COL6A5: variants seen among roughly 807,000 people sequenced by gnomAD.
The protein encoded by COL6A5 is collagen alpha-5(VI) chain.
In COL6A5, 48 loss-of-function variants were observed where a neutral mutation model predicts 65.6. The ratio of observed to expected loss-of-function variants is 0.73; its 90% confidence interval spans 0.58 to 0.93. The LOEUF is 0.93. COL6A5 is among the 40% of genes least tolerant of loss of function. COL6A5 has a pLI of 0.00. For missense variants in COL6A5, 914 were observed against 928.3 expected, an observed-to-expected ratio of 0.98 and a Z score of 0.20; for synonymous variants, 291 against 322.8, an observed-to-expected ratio of 0.90 and a Z score of 1.05.
At chr3:130,396,429 T>C (rs1936602663) in intron 8 of COL6A5, among the ~76,000 whole-genome samples, 1 of 152,246 alleles carries the variant, frequency 6.6e-6, no homozygotes, top group Admixed American at 6.5e-5. Flanking sequence ...GCTAGAGTTC[T>C]AACTCTGGTT....
Position 130,362,272 on chromosome 3 carries a change from T to TCTCTC in COL6A5, c.-28-11339_-28-11338insCTCTC, listed in dbSNP as rs1553744426. ...TTTCTTTCTCTCTCTCTCTCTCTCT[T>TCTCTC]TGTCTCTGTCTTTCTCCATATATAT... On this transcript the variant is annotated intron_variant and NMD_transcript_variant, in intron 1 of 41. Coordinates refer to the COL6A5 transcript ENST00000312481. Among the ~76,000 whole-genome samples the TCTCTC allele has an allele frequency of 1.9e-3, 28 of 14,614 alleles. 1 individual carries two copies. The highest frequency in any genetic ancestry group is 0.013 in the Admixed American group (16 of 1,212). 9.6% of individuals were successfully genotyped at this position (14,614 alleles called of 152,430 possible). A position where few individuals can be genotyped will look rare whatever the true frequency, so the allele number is the denominator to read the frequency against.
chr3:130,385,397 A>G, intron 5 of COL6A5, 33 bp downstream of exon 5: 2 of 1,527,758 alleles, frequency 1.3e-6, no homozygotes, highest in Non-Finnish European at 1.8e-6. Flanking sequence ...TATTCTCCAC[A>G]TTTCATCAAT....
At chr3:130,347,059 T>C (rs772094263) in intron 1 of COL6A5, among the ~76,000 whole-genome samples, 3 of 152,232 alleles carry the variant, frequency 2.0e-5, no homozygotes, top group Non-Finnish European at 4.4e-5. Flanking sequence ...GAGCCATTAA[T>C]CTTTGATGAC....
upstream of COL6A5, among the ~76,000 whole-genome samples, chr3:130,428,416 A>C (rs915806887): frequency 6.6e-6 from 1 of 152,188 alleles, no homozygotes; most frequent in Non-Finnish European, 1.5e-5. Context: ...GAAGGTGTCT[A>C]GAAGGCTGGG....
At chr3:130,356,590 CTT>C (rs1221060401) in intron 1 of COL6A5, among the ~76,000 whole-genome samples, 1 of 151,912 alleles carries the variant, frequency 6.6e-6, no homozygotes, top group Non-Finnish European at 1.5e-5. Context: ...ATAGGGGAAA[CTT>C]TGACATATTC....
chr3:130,470,247 T>G (rs978277452), intron 6 of COL6A5, among the ~76,000 whole-genome samples: 1 of 152,032 alleles, frequency 6.6e-6, no homozygotes, highest in South Asian at 2.1e-4. Flanking sequence ...TCCAAAACCT[T>G]GTAAGATCAA....
chr3:130,482,441 A>G (rs1469176960), intron 7 of COL6A5, among the ~76,000 whole-genome samples: 1 of 152,204 alleles, frequency 6.6e-6, no homozygotes, highest in East Asian at 1.9e-4. Context: ...TGTTTTGGTT[A>G]CTGTAGCCTT....
chr3:130,410,123 C>A, intron 19 of COL6A5, 49 bp downstream of exon 19: 2 of 1,341,652 alleles, frequency 1.5e-6, no homozygotes, highest in Non-Finnish European at 2.1e-6. Flanking sequence ...GTTATTGATC[C>A]AAGTAAATTT....
chr3:130,394,913 G>A (rs751443853), exon 8 of COL6A5: 52 of 1,550,742 alleles, frequency 3.4e-5, no homozygotes, highest in African/African-American at 2.5e-4. Flanking sequence ...GGAAGCTGAC[G>A]TGATTTTCCT....
At chr3:130,395,544 C>G (rs2107657636) in intron 8 of COL6A5, 79 bp downstream of exon 8, 1 of 1,027,422 alleles carries the variant, frequency 9.7e-7, no homozygotes, top group East Asian at 2.6e-5. Context: ...TGGGCTAGCT[C>G]TAGCAGAGCA....
At chr3:130,478,714 G>A (rs1253375819) in intron 7 of COL6A5, among the ~76,000 whole-genome samples, 2 of 151,972 alleles carry the variant, frequency 1.3e-5, no homozygotes, top group Non-Finnish European at 2.9e-5. Flanking sequence ...GTCAAACCAG[G>A]AGTCATTTAA....
At chr3:130,472,832 CATATAT>C (rs10654631) in intron 7 of COL6A5, among the ~76,000 whole-genome samples, 56 of 99,388 alleles carry the variant, frequency 5.6e-4, no homozygotes, top group African/African-American at 1.7e-3. Context: ...TGTGTGTATA[CATATAT>C]ATATATATAT....
intron 3 of COL6A5, among the ~76,000 whole-genome samples, chr3:130,379,140 G>A (rs111645106): frequency 5.3e-5 from 8 of 152,172 alleles, no homozygotes; most frequent in African/African-American, 1.4e-4. Context: ...TGGTGATGGC[G>A]GTCATGGAGA....
chr3:130,471,960 A>G, intron 7 of COL6A5, 34 bp downstream of exon 40: 5 of 1,519,166 alleles, frequency 3.3e-6, no homozygotes, highest in Non-Finnish European at 4.4e-6. Flanking sequence ...GAAGACCCTC[A>G]AGTACCTTTG....
At chr3:130,448,676 A>G (rs1262460538) in intron 4 of COL6A5, among the ~76,000 whole-genome samples, 2 of 152,124 alleles carry the variant, frequency 1.3e-5, no homozygotes, top group Admixed American at 6.5e-5. Flanking sequence ...TATCATCAAT[A>G]TAATGAAGAA....
At chr3:130,432,282 C>A (rs760509303) in intron 1 of COL6A5, among the ~76,000 whole-genome samples, 1 of 152,036 alleles carries the variant, frequency 6.6e-6, no homozygotes, top group African/African-American at 2.4e-5. Context: ...GGGCTGGGCG[C>A]GGTGGCTCAT....
intron 7 of COL6A5, 94 bp downstream of exon 39, chr3:130,471,061 C>A: frequency 1.1e-6 from 1 of 877,386 alleles, no homozygotes; most frequent in Non-Finnish European, 1.8e-6. Context: ...TTTCAAGATC[C>A]AAGTGTGTGT....
At chr3:130,355,320 A>C (rs1333342276) in intron 1 of COL6A5, among the ~76,000 whole-genome samples, 2 of 152,142 alleles carry the variant, frequency 1.3e-5, no homozygotes, top group African/African-American at 4.8e-5. Context: ...TAAAATTTAA[A>C]AGATAATTTC....
chr3:130,385,323 G>A (rs1322717888), exon 5 of COL6A5: 23 of 1,550,380 alleles, frequency 1.5e-5, no homozygotes, highest in Non-Finnish European at 2.0e-5. Flanking sequence ...GCTTTGAAAA[G>A]CATAAAAAAT....
Sources: gnomAD v4.1 joint callset for allele counts (sites outside exome capture counted in the v4.1 genomes callset) on GRCh38, gnomAD v4.1.1 for gene constraint, MANE v1.5 for transcripts, NCBI Gene and HGNC (gene_info 2026-07-23, HGNC 2026-07-21) for gene names.